Variants in PTPRD observed in about 807,000 individuals in gnomAD.
PTPRD encodes the protein receptor-type tyrosine-protein phosphatase delta.
Under a neutral mutation model 214.5 loss-of-function variants are expected in PTPRD, and 34 were observed. The ratio of observed to expected loss-of-function variants is 0.16; its 90% confidence interval spans 0.12 to 0.21. The LOEUF (loss-of-function observed/expected upper bound fraction) is 0.21. Ranked by LOEUF, PTPRD falls within the 10% of genes least tolerant of loss-of-function variation. The pLI is 1.00. For synonymous variants in PTPRD, 1,128 were observed against 845.7 expected (o/e 1.33, Z -5.79); for missense variants, 2,545 against 2,398.7 (o/e 1.06, Z -1.27).
chr9:9,340,717 C>T (rs1178203201), intron 9 of PTPRD, among the ~76,000 whole-genome samples: 1 of 152,178 alleles, frequency 6.6e-6, no homozygotes, highest in Admixed American at 6.5e-5. Context: ...ATTATATTTC[C>T]TTACTTATAG....
chr9:9,369,631 A>T (rs1334822570), intron 9 of PTPRD, among the ~76,000 whole-genome samples: 5 of 151,894 alleles, frequency 3.3e-5, no homozygotes, highest in Non-Finnish European at 5.9e-5. Context: ...CCCATTTGTC[A>T]ATTTTGGCTT....
At chr9:10,186,125 A>G (rs2099329198) in intron 3 of PTPRD, among the ~76,000 whole-genome samples, 1 of 151,894 alleles carries the variant, frequency 6.6e-6, no homozygotes, top group South Asian at 2.1e-4. Flanking sequence ...AAAGTAGAGG[A>G]CTCATCCTCA....
At chr9:8,645,953 T>C (rs1342146511) in intron 12 of PTPRD, among the ~76,000 whole-genome samples, 2 of 152,018 alleles carry the variant, frequency 1.3e-5, no homozygotes, top group African/African-American at 4.8e-5. Context: ...AATTATTAAG[T>C]TCTACTGATT....
In PTPRD at chr9:10,187,126, TA is replaced by T. The variant is rs1309794180; in HGVS notation, c.-544-153337del. Among the ~76,000 whole-genome samples the T allele has an allele frequency of 2.0e-5, 3 of 152,336 alleles. No homozygotes were observed. In the East Asian group the frequency reaches 5.8e-4, roughly 29 times the overall value. On this transcript the variant is annotated intron_variant, in intron 3 of 45. Transcript: ENST00000381196. The stretch of plus-strand genomic sequence containing the variant: ...TGCTAATAATCCATAAATGCTCTTT[TA>T]AAAACTTCTTAATTTGATTGCCTGA...
intron 3 of PTPRD, among the ~76,000 whole-genome samples, chr9:10,332,577 C>G (rs1271013495): frequency 1.3e-5 from 2 of 151,730 alleles, no homozygotes; most frequent in African/African-American, 4.8e-5. Context: ...GTATGACATA[C>G]TACATGCAGC....
chr9:9,448,516 TCCTGAGTCCTC>T (rs1275793961), intron 8 of PTPRD, among the ~76,000 whole-genome samples: 9 of 152,084 alleles, frequency 5.9e-5, no homozygotes, highest in African/African-American at 2.2e-4. Flanking sequence ...ATTGTAAGTT[TCCTGAGTCCTC>T]CCCAGCCATG....
intron 2 of PTPRD, among the ~76,000 whole-genome samples, chr9:10,498,505 T>C (rs1168804955): frequency 6.6e-6 from 1 of 151,874 alleles, no homozygotes; most frequent in Non-Finnish European, 1.5e-5. Flanking sequence ...ACAGGTCACA[T>C]CAAATTTCTC....
intron 2 of PTPRD, among the ~76,000 whole-genome samples, chr9:10,347,937 G>C (rs1306603966): frequency 6.6e-6 from 1 of 151,884 alleles, no homozygotes; most frequent in Non-Finnish European, 1.5e-5. Flanking sequence ...TGTGCCTGGA[G>C]TCCCTGCTAT....
intron 5 of PTPRD, among the ~76,000 whole-genome samples, chr9:9,820,830 C>A (rs1329009865): frequency 6.6e-6 from 1 of 151,952 alleles, no homozygotes; most frequent in Non-Finnish European, 1.5e-5. Context: ...CTATTCTGTT[C>A]CATTGATTTA....
chr9:9,333,245 G>C (rs1266938036), intron 9 of PTPRD, among the ~76,000 whole-genome samples: 2 of 151,614 alleles, frequency 1.3e-5, no homozygotes, highest in Non-Finnish European at 2.9e-5. Flanking sequence ...AGGTGACATA[G>C]AATAAGGGCT....
intron 5 of PTPRD, among the ~76,000 whole-genome samples, chr9:9,879,898 A>C (rs1460590624): frequency 6.6e-6 from 1 of 152,184 alleles, no homozygotes; most frequent in South Asian, 2.1e-4. Context: ...CAGTATTGCC[A>C]AGAAAATTAT....
intron 30 of PTPRD, among the ~76,000 whole-genome samples, chr9:8,473,478 C>A (rs941759540): frequency 1.3e-5 from 2 of 152,148 alleles, no homozygotes; most frequent in Admixed American, 6.5e-5. Flanking sequence ...TGCAGATGTG[C>A]TTGATAAACA....
intron 9 of PTPRD, among the ~76,000 whole-genome samples, chr9:9,250,155 A>G (rs1594552656): frequency 6.6e-6 from 1 of 152,142 alleles, no homozygotes; most frequent in African/African-American, 2.4e-5. Flanking sequence ...TATGGCCACA[A>G]TGTTGAGTTG....
At chr9:10,523,908 G>A (rs2053400698) in intron 2 of PTPRD, among the ~76,000 whole-genome samples, 1 of 151,778 alleles carries the variant, frequency 6.6e-6, no homozygotes, top group Non-Finnish European at 1.5e-5. Flanking sequence ...TGTTTGGGCT[G>A]CCATAAAAAA....
intron 11 of PTPRD, among the ~76,000 whole-genome samples, chr9:8,836,504 T>A (rs1189706589): frequency 6.6e-6 from 1 of 151,030 alleles, no homozygotes; most frequent in Non-Finnish European, 1.5e-5. Context: ...CAAAAAATAG[T>A]GGGGTTAATT....
rs1001980031 is a variant in PTPRD at position 9,795,957 on chromosome 9, A to G, written c.-367-29106T>C. ...ACAGGATTGTTTCTATGTGAAGAAT[A>G]TATCAATGACTATGCACCACCGTCA... On this transcript the variant is annotated intron_variant, in intron 5 of 45. Coordinates refer to ENST00000381196, the MANE Select transcript of PTPRD (RefSeq NM_002839.4). Among the ~76,000 whole-genome samples, 3 of 152,302 alleles carry G rather than the reference A, an allele frequency of 2.0e-5. No homozygotes were observed. The South Asian group carries it at 6.2e-4, about 32-fold the overall frequency.
At chr9:10,300,998 ACAC>A (rs1213057583) in intron 3 of PTPRD, among the ~76,000 whole-genome samples, 1 of 152,068 alleles carries the variant, frequency 6.6e-6, no homozygotes, top group Non-Finnish European at 1.5e-5. Context: ...GGGCTGACAG[ACAC>A]CTCATACAGG....
chr9:9,567,974 T>G (rs757664353), intron 8 of PTPRD, among the ~76,000 whole-genome samples: 57 of 151,792 alleles, frequency 3.8e-4, no homozygotes, highest in Non-Finnish European at 7.4e-4. Flanking sequence ...GGGTATCTCG[T>G]GCCTAGATAT....
At chr9:8,978,372 G>A (rs116657953) in intron 11 of PTPRD, among the ~76,000 whole-genome samples, 2 of 152,224 alleles carry the variant, frequency 1.3e-5, no homozygotes, top group African/African-American at 4.8e-5. Context: ...AGTACCCACC[G>A]TTGTACTTTG....
Sources: allele counts gnomAD v4.1 joint callset (sites outside exome capture counted in the v4.1 genomes callset), GRCh38; gene constraint gnomAD v4.1.1; transcripts MANE v1.5; gene names NCBI Gene and HGNC (gene_info 2026-07-23, HGNC 2026-07-21).